Variants in KCTD5 observed in about 807,000 individuals in gnomAD.
KCTD5 encodes the protein potassium channel tetramerization domain containing 5, also known as BTB/POZ domain-containing protein KCTD5.
In KCTD5, 12 loss-of-function variants were observed where a neutral mutation model predicts 27.9. The ratio of observed to expected loss-of-function variants is 0.43; its 90% CI spans 0.28 to 0.70. The LOEUF (loss-of-function observed/expected upper bound fraction) is 0.70. Ranked by LOEUF, KCTD5 falls within the 30% of genes least tolerant of loss-of-function variation. The probability of loss-of-function intolerance (pLI) is 0.19; values close to 1 mark genes in which losing one functional copy is unlikely to be tolerated. For synonymous variants in KCTD5, 147 were observed against 121.4 expected (o/e 1.21, Z -1.39); for missense variants, 226 against 274.8 (o/e 0.82, Z 1.26).
intron 3 of KCTD5, among the ~76,000 whole-genome samples, 162 bp downstream of exon 3, chr16:2,698,159 G>A (rs1435269561): frequency 1.3e-5 from 2 of 152,284 alleles, no homozygotes; most frequent in African/African-American, 2.4e-5. Flanking sequence ...TGCCAGCTCC[G>A]TCTACCCGGC....
At chr16:2,705,369 G>A (rs2067631037) in intron 5 of KCTD5, among the ~76,000 whole-genome samples, 1 of 152,196 alleles carries the variant, frequency 6.6e-6, no homozygotes, top group Non-Finnish European at 1.5e-5. Flanking sequence ...GATGCCCAGG[G>A]GCAGTGTTGG....
At chr16:2,688,247 T>A (rs9935912) in intron 1 of KCTD5, among the ~76,000 whole-genome samples, 48,487 of 101,606 alleles carry the variant, frequency 0.48, 9,961 homozygotes, top group East Asian at 0.75. Context: ...ATATATATAT[T>A]TATTTATTTA....
intron 1 of KCTD5, among the ~76,000 whole-genome samples, chr16:2,687,646 C>T (rs1290955483): frequency 1.3e-5 from 2 of 152,224 alleles, no homozygotes; most frequent in African/African-American, 4.8e-5. Context: ...GATGGGGGCG[C>T]CTGCTGCCTG....
rs548796965 is a variant in KCTD5, at chr16:2,704,066, C to T, written c.675+1588C>T. On this transcript the variant is annotated intron_variant, in intron 5 of 5. Coordinates refer to ENST00000301738, the MANE Select transcript of KCTD5 (RefSeq NM_018992.4). The stretch of plus-strand genomic sequence containing the variant: ...TGGCTTGGCAGCTGCAGAAAGGACA[C>T]GCTCTGTACTGTGAGGAAGCTCCAG... 9.2e-5 allele frequency among the ~76,000 whole-genome samples: 14 copies of T among 152,376 alleles called. No homozygotes were observed. The East Asian group carries it at 1.9e-3, about 21-fold the overall frequency.
rs1023585977 is a variant in KCTD5, at chr16:2,707,668, TAC to T, written c.*347_*348del. On this transcript the variant is annotated 3_prime_UTR_variant, in exon 6 of 6. Transcript: ENST00000301738. ...CGTGTGAAGGAAGCGTTCTTGGTGC[TAC>T]ACACAGTCTGGAAAAGCAGCCTGGG... 2.8e-5 allele frequency: 16 copies of T among 570,576 alleles called. No homozygotes were observed. Among genetic ancestry groups the T allele is most frequent in the African/African-American group, 1.7e-4 (9 of 53,342 alleles). 35.3% of individuals were successfully genotyped at this position (570,576 alleles called of 1,614,324 possible).
intron 5 of KCTD5, among the ~76,000 whole-genome samples, chr16:2,703,577 C>A (rs1184340090): frequency 2.6e-5 from 4 of 152,200 alleles, no homozygotes; most frequent in African/African-American, 9.7e-5. Flanking sequence ...TCCGAGTAGG[C>A]CTTTGGAGGT....
At position 2,707,463 on chromosome 16, in the gene KCTD5, T is replaced by C. The variant is rs2067641907; in HGVS notation, c.*136T>C. Reference sequence around the variant, plus strand: ...CTAGAGATCTGGGTGTGAATCCTTTTTTGCCTCTGAGGTGGGTGGTGAGAG... The same window carrying C: ...CTAGAGATCTGGGTGTGAATCCTTTCTTGCCTCTGAGGTGGGTGGTGAGAG... On this transcript the variant is annotated 3_prime_UTR_variant, in exon 6 of 6. Coordinates refer to ENST00000301738, the MANE Select transcript of KCTD5 (RefSeq NM_018992.4). 1 of 953,718 alleles carries C rather than the reference T, an allele frequency of 1.0e-6. No homozygotes were observed. The highest frequency in any genetic ancestry group is 1.7e-6 in the Non-Finnish European group (1 of 594,382). The allele number at this position is 953,718 out of a possible 1,614,324, so 59.1% of individuals were successfully genotyped here.
chr16:2,688,243 A>ATATATATATATATT lies in KCTD5; in HGVS notation c.252+5446_252+5447insATATATATATTTAT, dbSNP rs1282831421. ...TAAATAAATAAATATATATATATAT[A>ATATATATATATATT]TATTTATTTATTTATTTATTTATTT... On this transcript the variant is annotated intron_variant, in intron 1 of 5. Transcript: ENST00000301738. Among the ~76,000 whole-genome samples, 578 of 63,872 alleles carry ATATATATATATATT rather than the reference A, an allele frequency of 9.0e-3. 3 individuals are homozygous for ATATATATATATATT. The highest frequency in any genetic ancestry group is 0.028 in the African/African-American group (552 of 19,594). 41.9% of individuals were successfully genotyped at this position (63,872 alleles called of 152,430 possible).
At position 2,699,801 on chromosome 16, in the gene KCTD5, T is replaced by G. The variant is rs1167441116; in HGVS notation, c.454-20T>G. The G allele has an allele frequency of 2.5e-6, 4 of 1,610,938 alleles. No individual in the cohort carries two copies. The highest frequency in any genetic ancestry group is 3.4e-6 in the Non-Finnish European group (4 of 1,178,240). The stretch of plus-strand genomic sequence containing the variant: ...GGGACATGGGTGGCCCGCCCTTACC[T>G]GTGCCCATTGTCCTTGCAGGTGCCT... On this transcript the variant is annotated intron_variant, in intron 3 of 5. Transcript: ENST00000301738.
chr16:2,693,178 C>T (rs979588047), intron 1 of KCTD5, among the ~76,000 whole-genome samples: 4 of 152,242 alleles, frequency 2.6e-5, no homozygotes, highest in African/African-American at 4.8e-5. Flanking sequence ...AGCTCTGCAT[C>T]GGGGCCCCTC....
chr16:2,696,888 C>A (rs1165866806), intron 2 of KCTD5, among the ~76,000 whole-genome samples: 2 of 152,264 alleles, frequency 1.3e-5, no homozygotes, highest in Non-Finnish European at 2.9e-5. Context: ...CATGTACTCT[C>A]TCTGGTCGCT....
chr16:2,693,695 C>T (rs1385612260), intron 1 of KCTD5, among the ~76,000 whole-genome samples: 1 of 152,274 alleles, frequency 6.6e-6, no homozygotes, highest in Non-Finnish European at 1.5e-5. Flanking sequence ...CTTCCTTCTC[C>T]TCTTGCACCG....
intron 3 of KCTD5, among the ~76,000 whole-genome samples, chr16:2,699,508 C>T (rs576381272): frequency 1.8e-4 from 28 of 152,368 alleles, no homozygotes; most frequent in African/African-American, 5.0e-4. Flanking sequence ...TTGCTGCGTG[C>T]GGAGCAGACG....
chr16:2,699,702 G>A (rs947443641), intron 3 of KCTD5, 119 bp from the exon 4 acceptor site: 21 of 818,296 alleles, frequency 2.6e-5, no homozygotes, highest in Middle Eastern at 3.6e-4. Flanking sequence ...TTTGGGCCTC[G>A]TGCCCTGTGC....
At chr16:2,701,127 C>A (rs2067610116) in intron 4 of KCTD5, among the ~76,000 whole-genome samples, 1 of 152,228 alleles carries the variant, frequency 6.6e-6, no homozygotes, top group Admixed American at 6.5e-5. Context: ...TGACTTCTGG[C>A]TGGGAGGGAA....
Position 2,707,462 on chromosome 16 carries a change from T to C in KCTD5, c.*135T>C, listed in dbSNP as rs1367694109. ...TCTAGAGATCTGGGTGTGAATCCTT[T>C]TTTGCCTCTGAGGTGGGTGGTGAGA... On this transcript the variant is annotated 3_prime_UTR_variant, in exon 6 of 6. Transcript: ENST00000301738. The C allele has an allele frequency of 1.0e-6, 1 of 958,470 alleles. No homozygotes were observed. Among genetic ancestry groups the C allele is most frequent in the Non-Finnish European group, 1.7e-6 (1 of 598,208 alleles). The allele number at this position is 958,470 out of a possible 1,614,324, so 59.4% of individuals were successfully genotyped here.
intron 3 of KCTD5, among the ~76,000 whole-genome samples, chr16:2,699,573 C>T (rs563571887): frequency 1.4e-3 from 216 of 152,354 alleles, no homozygotes; most frequent in Non-Finnish European, 3.7e-4. Flanking sequence ...ATTTCAGGAA[C>T]ATGACTCATT....
At chr16:2,684,718 T>C (rs1223888529) in intron 1 of KCTD5, 5 of 150,790 alleles carry the variant, frequency 3.3e-5, no homozygotes, top group Admixed American at 2.6e-4. Flanking sequence ...TGAGCCTAGT[T>C]AGCGCCACTG....
intron 1 of KCTD5, among the ~76,000 whole-genome samples, chr16:2,692,347 G>A (rs1427951103): frequency 6.6e-6 from 1 of 152,186 alleles, no homozygotes; most frequent in Non-Finnish European, 1.5e-5. Context: ...CAAGTGTTGG[G>A]ACAGTGCAGA....
Sources: gnomAD v4.1 joint callset for allele counts (sites outside exome capture counted in the v4.1 genomes callset) on GRCh38, gnomAD v4.1.1 for gene constraint, MANE v1.5 for transcripts, NCBI Gene and HGNC (gene_info 2026-07-23, HGNC 2026-07-21) for gene names.